The following CWF19L2 variants were observed in gnomAD, a reference collection of about 807,000 sequenced individuals.
The protein encoded by CWF19L2 is CWF19 like cell cycle control factor 2, also known as CWF19-like protein 2.
Under a neutral mutation model 111.7 loss-of-function variants are expected in CWF19L2, and 98 were observed. The ratio of observed to expected loss-of-function variants is 0.88; its 90% CI spans 0.75 to 1.04. The LOEUF is 1.04. Among genes scored for constraint, CWF19L2 ranks in the 50% least tolerant of loss-of-function variants. The pLI is 0.00. For synonymous variants in CWF19L2, 351 were observed against 342.9 expected, an observed-to-expected ratio of 1.02 and a Z score of -0.26; for missense variants, 1,101 against 1,051.4, an observed-to-expected ratio of 1.05 and a Z score of -0.65.
chr11:107,368,030 G>A (rs2134567006), intron 12 of CWF19L2, among the ~76,000 whole-genome samples: 1 of 135,998 alleles, frequency 7.4e-6, no homozygotes, highest in Admixed American at 7.2e-5. Context: ...ATAATCTAAT[G>A]TGACACCTCA....
chr11:107,370,708 G>C lies in CWF19L2; in HGVS notation c.1873-16972C>G, dbSNP rs1294543583. Among the ~76,000 whole-genome samples the C allele has an allele frequency of 1.2e-4, 16 of 137,128 alleles. 3 individuals are homozygous for C. The highest frequency in any genetic ancestry group is 2.0e-4 in the Non-Finnish European group (13 of 64,094). 90.0% of individuals were successfully genotyped at this position (137,128 alleles called of 152,430 possible). A position where few individuals can be genotyped will look rare whatever the true frequency, so the allele number is the denominator to read the frequency against. Reference sequence around the variant, plus strand: ...CTGACCTGTCAGCAACCAAAATTTAGGACAGTTTTTAATTCTACACTTTCT... The same window carrying C: ...CTGACCTGTCAGCAACCAAAATTTACGACAGTTTTTAATTCTACACTTTCT... On this transcript the variant is annotated intron_variant, in intron 12 of 17. Coordinates refer to ENST00000282251, the MANE Select transcript of CWF19L2 (RefSeq NM_152434.3).
chr11:107,360,801 A>G (rs2134555772), intron 12 of CWF19L2, among the ~76,000 whole-genome samples: 1 of 152,280 alleles, frequency 6.6e-6, no homozygotes, highest in South Asian at 2.1e-4. Flanking sequence ...AAAGATATCT[A>G]TTCATATCCT....
intron 14 of CWF19L2, among the ~76,000 whole-genome samples, chr11:107,340,136 TTTTAA>T (rs1188178959): frequency 6.6e-6 from 1 of 152,200 alleles, no homozygotes; most frequent in Non-Finnish European, 1.5e-5. Flanking sequence ...GAACAAAAGT[TTTTAA>T]TTTGACAAAG....
Position 107,455,669 on chromosome 11 carries a change from T to G in CWF19L2, c.213A>C (p.Ser71=), listed in dbSNP as rs1156633118. The change falls in exon 2 of 18, where the codon TCA becomes TCC. Residue 71 remains serine, a synonymous_variant. Coordinates refer to ENST00000282251, the MANE Select transcript of CWF19L2 (RefSeq NM_152434.3). ...ACGTAAACCTGTTAGTATTCACCTGTGAGAACTGTTCAATTCTCTCATTCA... is the reference window on the plus strand; with the variant it reads ...ACGTAAACCTGTTAGTATTCACCTGGGAGAACTGTTCAATTCTCTCATTCA... ...PDVNERIEQF[S]QEHSVKKKKK... 1 of 1,533,386 alleles carries G rather than the reference T, an allele frequency of 6.5e-7. No homozygotes were observed. The highest frequency in any genetic ancestry group is 2.0e-5 in the Admixed American group (1 of 50,576). 95.0% of individuals were successfully genotyped at this position (1,533,386 alleles called of 1,614,324 possible).
At chr11:107,340,116 G>T (rs1165326911) in intron 14 of CWF19L2, among the ~76,000 whole-genome samples, 1 of 152,044 alleles carries the variant, frequency 6.6e-6, no homozygotes, top group Non-Finnish European at 1.5e-5. Context: ...TCATATCAGA[G>T]TATTTTGCAG....
At chr11:107,398,734 A>C (rs1230023270) in intron 10 of CWF19L2, among the ~76,000 whole-genome samples, 1 of 152,240 alleles carries the variant, frequency 6.6e-6, no homozygotes, top group Non-Finnish European at 1.5e-5. Context: ...CACTGTCATC[A>C]GGTTATCCCA....
At chr11:107,384,997 T>C (rs577008993) in intron 12 of CWF19L2, among the ~76,000 whole-genome samples, 1 of 152,294 alleles carries the variant, frequency 6.6e-6, no homozygotes. Context: ...CTATCAAAAA[T>C]TCAATAACTT....
rs369523837 is a variant in CWF19L2 at position 107,394,801 on chromosome 11, T to C, written c.1618-1906A>G. 5.3e-3 allele frequency among the ~76,000 whole-genome samples: 811 copies of C among 152,236 alleles called. 1 individual carries two copies. The highest frequency in any genetic ancestry group is 9.6e-3 in the Admixed American group (146 of 15,284). ...TCCAGGGTTCCTTGGTTTCCAGCCCTTCAGCCTGAAACCTAATCATCACCC... is the reference window on the plus strand; with the variant it reads ...TCCAGGGTTCCTTGGTTTCCAGCCCCTCAGCCTGAAACCTAATCATCACCC... On this transcript the variant is annotated intron_variant, in intron 10 of 17. Transcript: ENST00000282251.
intron 8 of CWF19L2, among the ~76,000 whole-genome samples, chr11:107,422,205 C>T (rs1565277451): frequency 6.6e-6 from 1 of 151,974 alleles, no homozygotes; most frequent in Non-Finnish European, 1.5e-5. Flanking sequence ...TGCCCAGGTC[C>T]ACTTATACAC....
intron 12 of CWF19L2, among the ~76,000 whole-genome samples, chr11:107,379,793 C>T (rs1374228936): frequency 6.6e-6 from 1 of 152,084 alleles, no homozygotes; most frequent in East Asian, 1.9e-4. Flanking sequence ...GGCGCGGTGG[C>T]TCACGCCTGT....
intron 6 of CWF19L2, among the ~76,000 whole-genome samples, chr11:107,436,253 T>C (rs1861540561): frequency 6.6e-6 from 1 of 151,986 alleles, no homozygotes; most frequent in African/African-American, 2.4e-5. Context: ...GAGAAAAAGA[T>C]ATATCAAATA....
At chr11:107,424,470 C>G (rs1009062727) in intron 8 of CWF19L2, among the ~76,000 whole-genome samples, 1 of 150,556 alleles carries the variant, frequency 6.6e-6, no homozygotes, top group Admixed American at 6.6e-5. Flanking sequence ...AAAAAAAAGC[C>G]CGGATTAAGT....
chr11:107,349,282 A>G (rs902067685), intron 13 of CWF19L2, among the ~76,000 whole-genome samples: 1 of 152,198 alleles, frequency 6.6e-6, no homozygotes, highest in African/African-American at 2.4e-5. Context: ...GAAAATTTAG[A>G]GCACAGATCT....
At chr11:107,384,020 A>G (rs964422106) in intron 12 of CWF19L2, among the ~76,000 whole-genome samples, 1 of 152,228 alleles carries the variant, frequency 6.6e-6, no homozygotes, top group Non-Finnish European at 1.5e-5. Flanking sequence ...AATAAGCTCC[A>G]TAAAGTCAAG....
chr11:107,415,301 T>C (rs1245907005), intron 10 of CWF19L2, among the ~76,000 whole-genome samples: 1 of 152,204 alleles, frequency 6.6e-6, no homozygotes, highest in Non-Finnish European at 1.5e-5. Context: ...CATAAAGTCC[T>C]TACACTTTTT....
intron 10 of CWF19L2, among the ~76,000 whole-genome samples, chr11:107,412,199 G>T (rs1046509064): frequency 6.6e-6 from 1 of 152,148 alleles, no homozygotes; most frequent in African/African-American, 2.4e-5. Flanking sequence ...TGAGAAGGTG[G>T]TAACAAGTGT....
rs1248981712 is a variant in CWF19L2, at chr11:107,397,863, T to C, written c.1618-4968A>G. On this transcript the variant is annotated intron_variant, in intron 10 of 17. Coordinates refer to ENST00000282251, the MANE Select transcript of CWF19L2 (RefSeq NM_152434.3). Reference sequence around the variant, plus strand: ...CACAGGACTCTGTGAAAACCCCCCGTACCAGCCCATAGCCAGGTAAACTTG... The same window carrying C: ...CACAGGACTCTGTGAAAACCCCCCGCACCAGCCCATAGCCAGGTAAACTTG... 2.0e-5 allele frequency among the ~76,000 whole-genome samples: 3 copies of C among 152,006 alleles called. No homozygotes were observed. The East Asian group carries it at 5.8e-4, about 29-fold the overall frequency.
chr11:107,340,727 C>T (rs1192566746), intron 14 of CWF19L2, among the ~76,000 whole-genome samples: 1 of 152,110 alleles, frequency 6.6e-6, no homozygotes, highest in Non-Finnish European at 1.5e-5. Context: ...AAAAATCTTG[C>T]TGGCACTTAG....
At chr11:107,362,051 GA>G (rs2134558650) in intron 12 of CWF19L2, among the ~76,000 whole-genome samples, 1 of 152,148 alleles carries the variant, frequency 6.6e-6, no homozygotes, top group East Asian at 1.9e-4. Context: ...CTGAGTCAAA[GA>G]AAGGGGTGAC....
Sources: gnomAD v4.1 joint callset for allele counts (sites outside exome capture counted in the v4.1 genomes callset) on GRCh38, gnomAD v4.1.1 for gene constraint, MANE v1.5 for transcripts, NCBI Gene and HGNC (gene_info 2026-07-23, HGNC 2026-07-21) for gene names.